The following RGSL1 variants were observed in gnomAD, a reference collection of about 807,000 sequenced individuals.
RGSL1 encodes the protein regulator of G protein signaling protein-like.
Under a neutral mutation model 124.7 loss-of-function variants are expected in RGSL1, and 97 were observed. The ratio of observed to expected loss-of-function variants is 0.78; its 90% CI spans 0.66 to 0.92. The LOEUF is 0.92. Among genes scored for constraint, RGSL1 ranks in the 40% least tolerant of loss-of-function variants. The probability of loss-of-function intolerance (pLI) is 0.00; values close to 1 mark genes in which losing one functional copy is unlikely to be tolerated. For synonymous variants in RGSL1, 424 were observed against 438.1 expected (o/e 0.97, Z 0.40); for missense variants, 1,233 against 1,288.4 (o/e 0.96, Z 0.66).
At chr1:182,554,033 T>G (rs1660719195) in intron 19 of RGSL1, among the ~76,000 whole-genome samples, 1 of 152,144 alleles carries the variant, frequency 6.6e-6, no homozygotes, top group Admixed American at 6.5e-5. Context: ...GAGGCCATAT[T>G]ATATTCTTTT....
chr1:182,537,016 T>C (rs1225718281), intron 14 of RGSL1, among the ~76,000 whole-genome samples: 1 of 152,198 alleles, frequency 6.6e-6, no homozygotes, highest in Non-Finnish European at 1.5e-5. Context: ...TTGGCCTTTA[T>C]TGGGTTATAA....
intron 4 of RGSL1, chr1:182,460,814 T>C (rs186497462): frequency 2.3e-6 from 1 of 437,876 alleles, no homozygotes; most frequent in Admixed American, 2.5e-5. Flanking sequence ...GGGGAAACTT[T>C]AGACAGTAAA....
At chr1:182,553,564 C>A (rs746112239) in intron 19 of RGSL1, 23 bp downstream of exon 19, 6 of 1,546,512 alleles carry the variant, frequency 3.9e-6, no homozygotes, top group Non-Finnish European at 5.3e-6. Context: ...TGGATCCCCA[C>A]TGATAGTTTG....
intron 21 of RGSL1, among the ~76,000 whole-genome samples, chr1:182,557,523 C>T (rs1283135399): frequency 6.6e-6 from 1 of 152,212 alleles, no homozygotes; most frequent in Non-Finnish European, 1.5e-5. Context: ...TACTGAAATA[C>T]ACTCACATTG....
intron 6 of RGSL1, among the ~76,000 whole-genome samples, chr1:182,477,420 G>C (rs1654379681): frequency 6.6e-6 from 1 of 152,112 alleles, no homozygotes; most frequent in South Asian, 2.1e-4. Flanking sequence ...GCTCCACATT[G>C]CTCAACTGCA....
chr1:182,543,311 T>C (rs954421857), intron 15 of RGSL1, among the ~76,000 whole-genome samples: 3 of 152,218 alleles, frequency 2.0e-5, no homozygotes, highest in Admixed American at 2.0e-4. Flanking sequence ...AATGATCATA[T>C]GACTCTTATT....
chr1:182,522,855 A>C (rs1658449641), intron 10 of RGSL1, among the ~76,000 whole-genome samples: 1 of 152,118 alleles, frequency 6.6e-6, no homozygotes, highest in Non-Finnish European at 1.5e-5. Flanking sequence ...CATGGCATTC[A>C]CTTACTCATG....
chr1:182,449,220 A>T (rs911939322), upstream of RGSL1: 1 of 152,224 alleles, frequency 6.6e-6, no homozygotes, highest in Non-Finnish European at 1.5e-5. Context: ...TAAAGCAAGA[A>T]TCTCTTCTCA....
chr1:182,540,493 G>A, intron 15 of RGSL1, 72 bp downstream of exon 15: 2 of 1,392,570 alleles, frequency 1.4e-6, no homozygotes, highest in Admixed American at 4.4e-5. Flanking sequence ...AGCAGAAACT[G>A]GCTTGATCTG....
chr1:182,514,553 A>AT (rs1657715912), intron 9 of RGSL1, among the ~76,000 whole-genome samples: 1 of 152,140 alleles, frequency 6.6e-6, no homozygotes, highest in Non-Finnish European at 1.5e-5. Context: ...AAACCTCTAT[A>AT]TATCTGTCGG....
chr1:182,526,530 AGGGC>A (rs1658757831), intron 10 of RGSL1, among the ~76,000 whole-genome samples: 3 of 151,706 alleles, frequency 2.0e-5, no homozygotes, highest in Non-Finnish European at 2.9e-5. Flanking sequence ...CATTATTAGC[AGGGC>A]ATGGTGGTGC....
rs912237571 is a variant in RGSL1, at chr1:182,472,568, T to C, written c.463+11T>C. Reference sequence around the variant, plus strand: ...GTAACATGAACATCAGTAAGAATTATAAAGCATCTTTTTGGGGGGATGCAA... The same window carrying C: ...GTAACATGAACATCAGTAAGAATTACAAAGCATCTTTTTGGGGGGATGCAA... On this transcript the variant is annotated intron_variant, in intron 5 of 21. Transcript: ENST00000294854. 1.3e-6 allele frequency: 2 copies of C among 1,509,504 alleles called. No homozygotes were observed. Among genetic ancestry groups the C allele is most frequent in the African/African-American group, 1.4e-5 (1 of 72,364 alleles). The allele number at this position is 1,509,504 out of a possible 1,614,324, so 93.5% of individuals were successfully genotyped here.
rs201516655 is a variant in RGSL1, at chr1:182,497,478, A to AG, written c.1825+4350dup. ...ATAACAACTAACTTATAGAAAAAAA[A>AG]GTACAGGAAAAAAATCCTTTATTGA... On this transcript the variant is annotated intron_variant, in intron 9 of 21. Coordinates refer to ENST00000294854, the MANE Select transcript of RGSL1 (RefSeq NM_001137669.2). Among the ~76,000 whole-genome samples the AG allele has an allele frequency of 1.4e-3, 217 of 152,042 alleles. 1 individual carries two copies. The East Asian group carries it at 0.033, about 23-fold the overall frequency.
chr1:182,504,777 CA>C (rs1656687919), intron 9 of RGSL1, among the ~76,000 whole-genome samples: 1 of 152,048 alleles, frequency 6.6e-6, no homozygotes, highest in Non-Finnish European at 1.5e-5. Flanking sequence ...AAAAAGAAAA[CA>C]AAAGAAGAAT....
chr1:182,521,773 C>T (rs1658357366), intron 9 of RGSL1, among the ~76,000 whole-genome samples: 1 of 152,194 alleles, frequency 6.6e-6, no homozygotes. Context: ...GGGCGCTAGA[C>T]TTAAAGGCCA....
intron 9 of RGSL1, among the ~76,000 whole-genome samples, chr1:182,508,060 G>A (rs915821429): frequency 2.0e-5 from 3 of 152,014 alleles, no homozygotes; most frequent in African/African-American, 7.3e-5. Context: ...TAGAATTGCT[G>A]TGTTACATGG....
chr1:182,530,239 T>A lies in RGSL1; in HGVS notation c.2126-5T>A. ...ACAGCTTCTTTTCTCTCTTGCATTT[T>A]CTAGAAGAAATGCTGCAGTGTGATG... On this transcript the variant is annotated splice_region_variant and splice_polypyrimidine_tract_variant and intron_variant, in intron 11 of 21. Coordinates refer to ENST00000294854, the MANE Select transcript of RGSL1 (RefSeq NM_001137669.2). 6.5e-7 allele frequency: 1 copy of A among 1,544,652 alleles called. No individual in the cohort carries two copies.
intron 11 of RGSL1, 105 bp from the exon 12 acceptor site, chr1:182,530,138 TG>T (rs1266560375): frequency 2.8e-6 from 2 of 726,732 alleles, no homozygotes; most frequent in African/African-American, 3.6e-5. Flanking sequence ...AGATTGAAAA[TG>T]GGGGCTGTGA....
chr1:182,448,453 T>C (rs1235201303), upstream of RGSL1: 2 of 152,040 alleles, frequency 1.3e-5, no homozygotes, highest in South Asian at 2.1e-4. Context: ...CTAACTCCTG[T>C]CCTCAAGTGA....
Sources: allele counts gnomAD v4.1 joint callset (sites outside exome capture counted in the v4.1 genomes callset), GRCh38; gene constraint gnomAD v4.1.1; transcripts MANE v1.5; gene names NCBI Gene and HGNC (gene_info 2026-07-23, HGNC 2026-07-21).